ALK: variants seen among roughly 807,000 people sequenced by gnomAD.
The protein encoded by ALK is ALK tyrosine kinase receptor.
A neutral mutation model predicts 163.1 loss-of-function variants in ALK; 74 were observed. The observed-to-expected ratio is 0.45, with a 90% CI of 0.38 to 0.55. The LOEUF is 0.55. ALK is among the 20% of genes least tolerant of loss of function. The pLI is 0.00. For missense variants in ALK, 2,063 were observed against 2,105.3 expected, an observed-to-expected ratio of 0.98 and a Z score of 0.39; for synonymous variants, 960 against 843.2, an observed-to-expected ratio of 1.14 and a Z score of -2.40.
intron 1 of ALK, among the ~76,000 whole-genome samples, chr2:29,793,969 G>C (rs1465957405): frequency 6.6e-6 from 1 of 152,134 alleles, no homozygotes; most frequent in Non-Finnish European, 1.5e-5. Context: ...GAGTCAGCCT[G>C]TCCCTTGAAG....
At chr2:29,208,738 T>C (rs1669381956) in intron 25 of ALK, among the ~76,000 whole-genome samples, 1 of 151,944 alleles carries the variant, frequency 6.6e-6, no homozygotes, top group African/African-American at 2.4e-5. Flanking sequence ...CATATAACGA[T>C]TGCTCCTCTC....
chr2:29,357,107 C>T (rs190363897), intron 5 of ALK, among the ~76,000 whole-genome samples: 5 of 152,266 alleles, frequency 3.3e-5, no homozygotes, highest in East Asian at 1.9e-4. Context: ...CTATAACGAA[C>T]GCCTCTGAGT....
At chr2:29,391,057 GC>G (rs370283736) in intron 4 of ALK, among the ~76,000 whole-genome samples, 178 of 152,246 alleles carry the variant, frequency 1.2e-3, no homozygotes, top group African/African-American at 4.0e-3. Context: ...TGTAGGGGGG[GC>G]CAAGGCAGGG....
At position 29,415,937 on chromosome 2, in the gene ALK, C is replaced by T. The variant is rs375890647; in HGVS notation, c.1155-32078G>A. On this transcript the variant is annotated intron_variant, in intron 4 of 28. Transcript: ENST00000389048. ...ACACCAGCAGCAACTCCCACCCCTA[C>T]CCCGGCTGTATTTCTCAGGCCTTCA... 4.6e-5 allele frequency among the ~76,000 whole-genome samples: 7 copies of T among 152,306 alleles called. No homozygotes were observed. In the East Asian group the frequency reaches 7.7e-4, roughly 17 times the overall value.
intron 1 of ALK, among the ~76,000 whole-genome samples, chr2:29,787,673 G>A (rs1046843197): frequency 2.0e-5 from 3 of 152,208 alleles, no homozygotes; most frequent in African/African-American, 7.2e-5. Flanking sequence ...AAGACAGTCT[G>A]TAGAGAGGAA....
intron 3 of ALK, among the ~76,000 whole-genome samples, chr2:29,569,901 G>T (rs1352518717): frequency 6.6e-6 from 1 of 152,180 alleles, no homozygotes. Context: ...TAAGCTTGCT[G>T]ATCACAGAGC....
At chr2:29,236,876 G>T (rs529640909) in intron 13 of ALK, among the ~76,000 whole-genome samples, 1 of 152,124 alleles carries the variant, frequency 6.6e-6, no homozygotes, top group Admixed American at 6.6e-5. Context: ...TCCCCAGCCT[G>T]GACCTCTCTC....
chr2:29,356,664 G>A (rs558974521), intron 5 of ALK, among the ~76,000 whole-genome samples: 2 of 152,168 alleles, frequency 1.3e-5, no homozygotes, highest in African/African-American at 4.8e-5. Flanking sequence ...ACTCCTGCCT[G>A]ATTTTGGGAT....
At chr2:29,670,185 T>C (rs1677639357) in intron 3 of ALK, among the ~76,000 whole-genome samples, 1 of 152,172 alleles carries the variant, frequency 6.6e-6, no homozygotes, top group Non-Finnish European at 1.5e-5. Context: ...CCTTTAGCAT[T>C]TCTTTTAAGA....
chr2:29,637,724 A>G (rs1676580154), intron 3 of ALK, among the ~76,000 whole-genome samples: 2 of 151,292 alleles, frequency 1.3e-5, no homozygotes, highest in Non-Finnish European at 3.0e-5. Flanking sequence ...AAAAAAAAAG[A>G]GGACTCTTTG....
chr2:29,518,813 T>C (rs1392553025), intron 4 of ALK, among the ~76,000 whole-genome samples: 1 of 152,172 alleles, frequency 6.6e-6, no homozygotes, highest in African/African-American at 2.4e-5. Flanking sequence ...TCTGTATGAC[T>C]CTAGAGGACA....
intron 2 of ALK, among the ~76,000 whole-genome samples, chr2:29,716,742 A>G (rs1385700716): frequency 6.6e-6 from 1 of 152,170 alleles, no homozygotes; most frequent in East Asian, 1.9e-4. Flanking sequence ...GCAGAATCAA[A>G]TGAACCAAAA....
chr2:29,373,642 T>C (rs1375308015), intron 5 of ALK, among the ~76,000 whole-genome samples: 1 of 152,226 alleles, frequency 6.6e-6, no homozygotes, highest in Admixed American at 6.5e-5. Context: ...AAATTGGCTT[T>C]ATTAATAATT....
chr2:29,475,562 C>CCAGACCACA (rs1287917263), intron 4 of ALK, among the ~76,000 whole-genome samples: 2 of 152,170 alleles, frequency 1.3e-5, no homozygotes, highest in African/African-American at 2.4e-5. Context: ...CCAGGCCCTC[C>CCAGACCACA]CAGACCACAC....
At chr2:29,243,697 C>T (rs10209156) in intron 12 of ALK, among the ~76,000 whole-genome samples, 2 of 152,190 alleles carry the variant, frequency 1.3e-5, no homozygotes, top group East Asian at 1.9e-4. Context: ...CTGTGAATCA[C>T]GTTACACAAA....
At chr2:29,213,717 C>T (rs567991373) in intron 24 of ALK, among the ~76,000 whole-genome samples, 2 of 152,272 alleles carry the variant, frequency 1.3e-5, no homozygotes, top group South Asian at 4.2e-4. Flanking sequence ...GGAGCCATCG[C>T]TCATGCCTGA....
chr2:29,309,643 C>T (rs1261202331), intron 8 of ALK, among the ~76,000 whole-genome samples: 1 of 144,562 alleles, frequency 6.9e-6, no homozygotes, highest in Non-Finnish European at 1.5e-5. Context: ...TCAGAAAGCT[C>T]AGGAAGGTGT....
At chr2:29,618,197 G>A (rs894298552) in intron 3 of ALK, among the ~76,000 whole-genome samples, 3 of 152,148 alleles carry the variant, frequency 2.0e-5, no homozygotes, top group African/African-American at 7.2e-5. Context: ...GGAAACCAAT[G>A]TTTCTGATCA....
At chr2:29,328,616 T>A (rs997414360) in intron 5 of ALK, 135 bp from the exon 6 acceptor site, 2 of 1,217,972 alleles carry the variant, frequency 1.6e-6, no homozygotes, top group African/African-American at 3.0e-5. Flanking sequence ...CAAGGCCTGA[T>A]TGAGACATCT....
Sources: allele counts gnomAD v4.1 joint callset (sites outside exome capture counted in the v4.1 genomes callset), GRCh38; gene constraint gnomAD v4.1.1; transcripts MANE v1.5; gene names NCBI Gene and HGNC (gene_info 2026-07-23, HGNC 2026-07-21).